Variants in TLN2 observed in about 807,000 individuals in gnomAD.
TLN2 encodes talin-2.
A neutral mutation model predicts 294.7 loss-of-function variants in TLN2; 118 were observed. The ratio of observed to expected loss-of-function variants is 0.40; its 90% CI spans 0.34 to 0.47. TLN2 has a LOEUF of 0.47. Among genes scored for constraint, TLN2 ranks in the 20% least tolerant of loss-of-function variants. The pLI, the probability that TLN2 is intolerant of heterozygous loss-of-function variation, is 0.84. For missense variants in TLN2, 3,083 were observed against 3,282.2 expected, an observed-to-expected ratio of 0.94 and a Z score of 1.48; for synonymous variants, 1,431 against 1,304.5, an observed-to-expected ratio of 1.10 and a Z score of -2.09.
chr15:62,500,417 G>A (rs1407770955), intron 1 of TLN2, among the ~76,000 whole-genome samples: 1 of 152,166 alleles, frequency 6.6e-6, no homozygotes, highest in Non-Finnish European at 1.5e-5. Context: ...GATTGCTAGG[G>A]AACAAATATT....
In TLN2 at chr15:62,464,469, C is replaced by T. The variant is rs539155010; in HGVS notation, c.-238+73784C>T. 7.9e-5 allele frequency among the ~76,000 whole-genome samples: 12 copies of T among 151,840 alleles called. No individual in the cohort carries two copies. The South Asian group carries it at 1.5e-3, about 18-fold the overall frequency. ...GGATAGCATTAGGAGAAATACCTAA[C>T]GTAAATGATGAGTTGATGAGTGCAG... On this transcript the variant is annotated intron_variant, in intron 1 of 58. Transcript: ENST00000636159.
chr15:62,824,118 A>G (rs2067825344), intron 54 of TLN2: 2 of 400,652 alleles, frequency 5.0e-6, no homozygotes, highest in South Asian at 3.7e-5. Context: ...GATTTAGAAG[A>G]TGGAGCACTC....
chr15:62,668,656 G>C (rs1391077724), intron 9 of TLN2, among the ~76,000 whole-genome samples: 1 of 152,174 alleles, frequency 6.6e-6, no homozygotes, highest in African/African-American at 2.4e-5. Context: ...CGGATGAGAC[G>C]GCGTGTGTGC....
At chr15:62,421,436 A>G (rs1198665589) in intron 1 of TLN2, among the ~76,000 whole-genome samples, 1 of 152,208 alleles carries the variant, frequency 6.6e-6, no homozygotes, top group Non-Finnish European at 1.5e-5. Flanking sequence ...GAAGGAAAAC[A>G]ACTTGAGGTT....
intron 1 of TLN2, among the ~76,000 whole-genome samples, chr15:62,529,561 T>TAAAA (rs11312497): frequency 2.2e-5 from 3 of 135,188 alleles, no homozygotes; most frequent in Non-Finnish European, 3.2e-5. Flanking sequence ...CTTAAAAGCT[T>TAAAA]AAAAAAAAAA....
chr15:62,551,323 A>G (rs1007623762), intron 1 of TLN2, among the ~76,000 whole-genome samples: 2 of 152,148 alleles, frequency 1.3e-5, no homozygotes, highest in African/African-American at 4.8e-5. Context: ...CCCCTGCTGT[A>G]GACTGTACTT....
At chr15:62,796,003 ATG>A (rs1279023564) in intron 46 of TLN2, 122 bp from the exon 47 acceptor site, 3 of 1,259,046 alleles carry the variant, frequency 2.4e-6, no homozygotes, top group Non-Finnish European at 3.3e-6. Flanking sequence ...TTGACTCCAG[ATG>A]TGTGTTGTTA....
intron 20 of TLN2, 76 bp downstream of exon 20, chr15:62,707,329 G>A (rs762413441): frequency 3.0e-4 from 440 of 1,469,574 alleles, no homozygotes; most frequent in Admixed American, 9.0e-4. Context: ...TTGGTGTGTA[G>A]CAGGGGCAGA....
chr15:62,408,816 T>A (rs1297815604), intron 1 of TLN2, among the ~76,000 whole-genome samples: 1 of 152,094 alleles, frequency 6.6e-6, no homozygotes. Flanking sequence ...TCTTTTCTTC[T>A]TCTTCTTTTT....
chr15:62,734,953 G>A (rs2140952368), intron 28 of TLN2, among the ~76,000 whole-genome samples: 1 of 152,308 alleles, frequency 6.6e-6, no homozygotes, highest in Admixed American at 6.5e-5. Flanking sequence ...CTGGTGCCGA[G>A]AGACCTTCCA....
At position 62,802,667 on chromosome 15, in the gene TLN2, G is replaced by T. The variant is rs548145403; in HGVS notation, c.6477+1898G>T. 7.0e-4 allele frequency among the ~76,000 whole-genome samples: 107 copies of T among 152,288 alleles called. 1 individual carries two copies. Among genetic ancestry groups the T allele is most frequent in the Middle Eastern group, 3.4e-3 (1 of 294 alleles). ...GAATCTCCAAACTCTTCTCCATAGT[G>T]TTTGTACTAATTTACATTCCCACCC... On this transcript the variant is annotated intron_variant, in intron 50 of 58. Coordinates refer to ENST00000636159, the MANE Select transcript of TLN2 (RefSeq NM_015059.3).
At chr15:62,593,100 C>G (rs1283562530) in intron 2 of TLN2, among the ~76,000 whole-genome samples, 1 of 152,204 alleles carries the variant, frequency 6.6e-6, no homozygotes, top group Non-Finnish European at 1.5e-5. Context: ...AAAGGAGGAT[C>G]TTTGCAGCTC....
chr15:62,761,829 G>T lies in TLN2; in HGVS notation c.4779+8G>T. On this transcript the variant is annotated splice_region_variant and intron_variant, in intron 38 of 58. Coordinates refer to ENST00000636159, the MANE Select transcript of TLN2 (RefSeq NM_015059.3). ...GCCCAGATCAGCTCCGAGGTAGGGAGTGTTTACAGGAACATCATACTAAGG... is the reference window on the plus strand; with the variant it reads ...GCCCAGATCAGCTCCGAGGTAGGGATTGTTTACAGGAACATCATACTAAGG... 6.2e-7 allele frequency: 1 copy of T among 1,613,976 alleles called. No individual in the cohort carries two copies.
At chr15:62,452,711 C>T (rs1199635721) in intron 1 of TLN2, among the ~76,000 whole-genome samples, 1 of 152,226 alleles carries the variant, frequency 6.6e-6, no homozygotes, top group African/African-American at 2.4e-5. Flanking sequence ...TCTAAGTTCA[C>T]ATTTTTCTGT....
chr15:62,682,062 T>C (rs1424902465), intron 11 of TLN2, among the ~76,000 whole-genome samples: 1 of 152,208 alleles, frequency 6.6e-6, no homozygotes. Context: ...GCCTGATAAA[T>C]TTTAGATGAT....
intron 7 of TLN2, among the ~76,000 whole-genome samples, chr15:62,654,931 C>T (rs1288069453): frequency 2.0e-5 from 3 of 151,974 alleles, no homozygotes. Context: ...TAATTTATTA[C>T]CCAGTCCACC....
intron 1 of TLN2, among the ~76,000 whole-genome samples, chr15:62,562,217 T>C (rs2043025723): frequency 6.6e-6 from 1 of 152,224 alleles, no homozygotes; most frequent in African/African-American, 2.4e-5. Context: ...ATCTATGTAG[T>C]ATTAAAGATT....
At chr15:62,542,657 A>G (rs999552439) in intron 1 of TLN2, among the ~76,000 whole-genome samples, 5 of 152,108 alleles carry the variant, frequency 3.3e-5, no homozygotes, top group East Asian at 1.9e-4. Flanking sequence ...GAGAAGTCCA[A>G]CCATGGGGTG....
chr15:62,764,125 C>A (rs1388108935), intron 40 of TLN2, among the ~76,000 whole-genome samples: 1 of 152,192 alleles, frequency 6.6e-6, no homozygotes, highest in Non-Finnish European at 1.5e-5. Flanking sequence ...TGCATTTGGT[C>A]TGTTCAGAGA....
Sources: allele counts gnomAD v4.1 joint callset (sites outside exome capture counted in the v4.1 genomes callset), GRCh38; gene constraint gnomAD v4.1.1; transcripts MANE v1.5; gene names NCBI Gene and HGNC (gene_info 2026-07-23, HGNC 2026-07-21).